SYN2: variants seen among roughly 807,000 people sequenced by gnomAD.
SYN2 encodes synapsin-2.
Under a neutral mutation model 50.9 loss-of-function variants are expected in SYN2, and 19 were observed. That is an observed-to-expected ratio of 0.37 (90% CI 0.26 to 0.55). The LOEUF (loss-of-function observed/expected upper bound fraction) is 0.55, where lower values mean the gene tolerates loss of function less well. SYN2 is among the 20% of genes least tolerant of loss of function. The pLI, the probability that SYN2 is intolerant of heterozygous loss-of-function variation, is 0.81. For missense variants in SYN2, 587 were observed against 576.4 expected, an observed-to-expected ratio of 1.02 and a Z score of -0.19; for synonymous variants, 255 against 224.9, an observed-to-expected ratio of 1.13 and a Z score of -1.20.
At chr3:12,029,403 A>G (rs1232911452) in intron 1 of SYN2, among the ~76,000 whole-genome samples, 3 of 126,378 alleles carry the variant, frequency 2.4e-5, no homozygotes, top group African/African-American at 4.1e-5. Context: ...GTTTTTTCCA[A>G]TTCTGTGAAG....
chr3:12,158,770 G>A lies in SYN2; in HGVS notation c.775-2776G>A, dbSNP rs143470909. ...GCAGCTGCATGCCTCACCCAGCCCCGGGGGCCGCAGCAACGCCAGCAGCCG... is the reference window on the plus strand; with the variant it reads ...GCAGCTGCATGCCTCACCCAGCCCCAGGGGCCGCAGCAACGCCAGCAGCCG... On this transcript the variant is annotated intron_variant, in intron 5 of 12. Transcript: ENST00000621198. The A allele has an allele frequency of 3.4e-5, 55 of 1,604,850 alleles. No individual in the cohort carries two copies. Among genetic ancestry groups the A allele is most frequent in the South Asian group, 9.9e-5 (9 of 90,898 alleles).
At chr3:12,185,354 AT>A (rs1249467666) in intron 11 of SYN2, 3 of 985,594 alleles carry the variant, frequency 3.0e-6, no homozygotes, top group Non-Finnish European at 3.6e-6. Context: ...TTCATGTGTC[AT>A]TTGTGAGCCA....
At chr3:12,158,654 TC>T in intron 5 of SYN2, 1 of 1,603,370 alleles carries the variant, frequency 6.2e-7, no homozygotes, top group African/African-American at 1.3e-5. Flanking sequence ...CAGATACTAA[TC>T]CCCCACAACC....
intron 1 of SYN2, among the ~76,000 whole-genome samples, chr3:12,073,994 A>G (rs759810541): frequency 9.2e-5 from 14 of 152,220 alleles, no homozygotes; most frequent in Middle Eastern, 3.4e-3. Flanking sequence ...AAATCTGTCA[A>G]CTTTTGCTTC....
At chr3:12,184,292 T>G in intron 11 of SYN2, 1 of 985,236 alleles carries the variant, frequency 1.0e-6, no homozygotes, top group Non-Finnish European at 1.2e-6. Context: ...CTCAGTTGTT[T>G]CTTCATTGTT....
chr3:12,136,215 A>C (rs911001859), intron 1 of SYN2, among the ~76,000 whole-genome samples: 4 of 152,260 alleles, frequency 2.6e-5, no homozygotes, highest in African/African-American at 9.6e-5. Flanking sequence ...TTTTGCTAAC[A>C]GTGCTTCATA....
At chr3:12,081,128 T>C in intron 1 of SYN2, among the ~76,000 whole-genome samples, 1 of 152,222 alleles carries the variant, frequency 6.6e-6, no homozygotes, top group East Asian at 1.9e-4. Context: ...TTATCTGCAC[T>C]ATTAACCTCG....
chr3:12,186,054 G>A (rs1294462253), intron 11 of SYN2, among the ~76,000 whole-genome samples: 1 of 152,214 alleles, frequency 6.6e-6, no homozygotes, highest in African/African-American at 2.4e-5. Context: ...GCCCTATAGT[G>A]GGGAACTGAG....
chr3:12,167,372 G>C, intron 8 of SYN2, 64 bp downstream of exon 8: 1 of 1,514,880 alleles, frequency 6.6e-7, no homozygotes, highest in East Asian at 2.4e-5. Flanking sequence ...AGATGAAGAA[G>C]TTTAGGAATT....
intron 1 of SYN2, among the ~76,000 whole-genome samples, chr3:12,037,225 C>T (rs1694517906): frequency 6.6e-6 from 1 of 152,192 alleles, no homozygotes; most frequent in Non-Finnish European, 1.5e-5. Context: ...GACCCCTCAC[C>T]AGAATTGTCC....
intron 1 of SYN2, among the ~76,000 whole-genome samples, chr3:12,112,596 C>G (rs190120958): frequency 6.6e-5 from 10 of 152,264 alleles, no homozygotes; most frequent in Non-Finnish European, 1.2e-4. Flanking sequence ...GCACATAATT[C>G]TCTAGGTTAT....
At chr3:12,161,807 C>G in intron 6 of SYN2, 199 bp downstream of exon 6, 3 of 963,902 alleles carry the variant, frequency 3.1e-6, no homozygotes, top group Admixed American at 2.4e-5. Flanking sequence ...CTGCTTGGTC[C>G]TCTGGGTCCT....
At chr3:12,094,403 TA>T (rs369596496) in intron 1 of SYN2, among the ~76,000 whole-genome samples, 8 of 152,100 alleles carry the variant, frequency 5.3e-5, no homozygotes, top group African/African-American at 1.2e-4. Context: ...TTATATTTTA[TA>T]AAAAAAATTT....
At chr3:12,128,395 C>G (rs1451949754) in intron 1 of SYN2, among the ~76,000 whole-genome samples, 3 of 152,100 alleles carry the variant, frequency 2.0e-5, no homozygotes, top group Non-Finnish European at 1.5e-5. Flanking sequence ...CTTTCTTGCT[C>G]TAAGGAGGCA....
chr3:12,038,111 C>T (rs307576), intron 1 of SYN2, among the ~76,000 whole-genome samples: 111,383 of 152,062 alleles, frequency 0.73, 41,050 homozygotes, highest in Admixed American at 0.8. Context: ...AAATTCATTC[C>T]TTAGCATGTG....
intron 3 of SYN2, among the ~76,000 whole-genome samples, chr3:12,143,746 CAT>C (rs1284589576): frequency 6.6e-6 from 1 of 152,170 alleles, no homozygotes. Context: ...CTGCAATAAA[CAT>C]ATGAGTACGG....
chr3:12,040,749 G>T (rs1442400321), intron 1 of SYN2, among the ~76,000 whole-genome samples: 5 of 152,138 alleles, frequency 3.3e-5, no homozygotes, highest in Non-Finnish European at 7.3e-5. Flanking sequence ...ATTCAAAAAA[G>T]AGGATAAAAG....
intron 1 of SYN2, among the ~76,000 whole-genome samples, chr3:12,093,985 T>C (rs1695879909): frequency 6.6e-6 from 1 of 151,900 alleles, no homozygotes; most frequent in African/African-American, 2.4e-5. Flanking sequence ...GCCTCCTAAG[T>C]AGCTGGGACT....
At chr3:12,035,621 G>T (rs1303830854) in intron 1 of SYN2, among the ~76,000 whole-genome samples, 2 of 152,198 alleles carry the variant, frequency 1.3e-5, no homozygotes, top group African/African-American at 4.8e-5. Flanking sequence ...AAATTGATTT[G>T]ACCGGAAAAG....
Sources: gnomAD v4.1 joint callset for allele counts (sites outside exome capture counted in the v4.1 genomes callset) on GRCh38, gnomAD v4.1.1 for gene constraint, MANE v1.5 for transcripts, NCBI Gene and HGNC (gene_info 2026-07-23, HGNC 2026-07-21) for gene names.